CPNE1: variants seen among roughly 807,000 people sequenced by gnomAD.
The protein encoded by CPNE1 is copine-1.
CPNE1 carries 58 observed loss-of-function variants against 63.2 expected under a neutral mutation model. The ratio of observed to expected loss-of-function variants is 0.92; its 90% CI spans 0.74 to 1.14. The LOEUF (loss-of-function observed/expected upper bound fraction) is 1.14. CPNE1 is among the 50% of genes most tolerant of loss of function. The pLI is 0.00. For synonymous variants in CPNE1, 237 were observed against 249.0 expected (o/e 0.95, Z 0.45); for missense variants, 672 against 661.7 (o/e 1.02, Z -0.17).
At chr20:35,656,532 T>G (rs1008493921) in intron 1 of CPNE1, among the ~76,000 whole-genome samples, 2 of 152,096 alleles carry the variant, frequency 1.3e-5, no homozygotes, top group Non-Finnish European at 2.9e-5. Flanking sequence ...AAAGTCAACT[T>G]TTATTTATTT....
chr20:35,645,170 T>C (rs2033036255), intron 1 of CPNE1, among the ~76,000 whole-genome samples: 1 of 152,122 alleles, frequency 6.6e-6, no homozygotes, highest in Non-Finnish European at 1.5e-5. Flanking sequence ...GATGAGTAAA[T>C]GAACAAAAGC....
intron 1 of CPNE1, among the ~76,000 whole-genome samples, chr20:35,659,476 T>A (rs1290877654): frequency 6.6e-6 from 1 of 152,206 alleles, no homozygotes; most frequent in Non-Finnish European, 1.5e-5. Context: ...TCATGGAAAT[T>A]ACTGCAATTA....
intron 1 of CPNE1, among the ~76,000 whole-genome samples, chr20:35,662,324 C>T (rs577512357): frequency 6.6e-6 from 1 of 152,306 alleles, no homozygotes; most frequent in Admixed American, 6.5e-5. Context: ...ACCACATTCA[C>T]TCTGTTTTTG....
chr20:35,635,361 A>G (rs896285815), intron 1 of CPNE1, among the ~76,000 whole-genome samples: 9 of 152,048 alleles, frequency 5.9e-5, no homozygotes, highest in African/African-American at 2.2e-4. Flanking sequence ...TTATTGCTCT[A>G]TCCCAAGCAC....
At chr20:35,663,328 C>G (rs1453472476) in intron 1 of CPNE1, among the ~76,000 whole-genome samples, 2 of 152,216 alleles carry the variant, frequency 1.3e-5, no homozygotes, top group Non-Finnish European at 2.9e-5. Flanking sequence ...CTCTGAGATG[C>G]ATTAACAATA....
At chr20:35,664,649 G>C (rs547113795) in intron 1 of CPNE1, 111 bp downstream of exon 1, 9 of 152,592 alleles carry the variant, frequency 5.9e-5, no homozygotes, top group African/African-American at 1.7e-4. Context: ...CCTTTGTGTG[G>C]GGCGCTAGTT....
rs998861521 is a variant in CPNE1 at position 35,640,322 on chromosome 20, A to G, written c.1-7399T>C. Reference sequence around the variant, plus strand: ...CTCTTCTGTCCTACATCTCTTGAACAACTACCTACTTTAAACCAGACTCAT... The same window carrying G: ...CTCTTCTGTCCTACATCTCTTGAACGACTACCTACTTTAAACCAGACTCAT... On this transcript the variant is annotated intron_variant, in intron 1 of 15. Coordinates refer to ENST00000397443, the MANE Select transcript of CPNE1 (RefSeq NM_152925.3). 3.3e-5 allele frequency among the ~76,000 whole-genome samples: 5 copies of G among 152,158 alleles called. No homozygotes were observed. In the South Asian group the frequency reaches 8.3e-4, roughly 25 times the overall value.
At chr20:35,639,789 CAA>C (rs574518166) in intron 1 of CPNE1, among the ~76,000 whole-genome samples, 1 of 152,232 alleles carries the variant, frequency 6.6e-6, no homozygotes, top group Non-Finnish European at 1.5e-5. Context: ...CAAATGTCCC[CAA>C]AAGAGATGCC....
At chr20:35,627,988 TA>T (rs36077529) in intron 13 of CPNE1, among the ~76,000 whole-genome samples, 37,360 of 151,230 alleles carry the variant, frequency 0.25, 5,245 homozygotes, top group African/African-American at 0.39. Flanking sequence ...ACTTAAAAAA[TA>T]AAAAAACTAA....
chr20:35,657,983 A>G (rs2034001528), intron 1 of CPNE1, among the ~76,000 whole-genome samples: 1 of 152,032 alleles, frequency 6.6e-6, no homozygotes, highest in Non-Finnish European at 1.5e-5. Flanking sequence ...AATCACTTGA[A>G]CCCGGGAGGC....
In CPNE1 at chr20:35,626,328, C is replaced by T; in HGVS notation, c.1527G>A (p.Leu509=). ...AACCCTGGGCCCTGAAGTATGAGAC[C>T]AGTTGTGTGGGCACTTCTGCGAGCA... The part of the protein sequence containing the change: ...QTVLAEVPTQ[L]VSYFRAQGWA... The change falls in exon 16 of 16, where the codon CTG becomes CTA. Residue 509 remains leucine, a synonymous_variant. Transcript: ENST00000397443. The T allele has an allele frequency of 6.2e-7, 1 of 1,614,072 alleles. No homozygotes were observed. The highest frequency in any genetic ancestry group is 8.5e-7 in the Non-Finnish European group (1 of 1,180,002).
At chr20:35,649,619 A>C (rs2033360826) in intron 1 of CPNE1, 1 of 152,668 alleles carries the variant, frequency 6.6e-6, no homozygotes, top group South Asian at 2.1e-4. Flanking sequence ...ACTACTGTGT[A>C]AACACAGAAC....
chr20:35,655,153 A>G, intron 1 of CPNE1: 1 of 1,614,208 alleles, frequency 6.2e-7, no homozygotes, highest in East Asian at 2.2e-5. Flanking sequence ...TGTGCGCATC[A>G]TACCAAGCCT....
intron 1 of CPNE1, chr20:35,651,383 CTT>C (rs1370928453): frequency 6.6e-6 from 1 of 152,180 alleles, no homozygotes; most frequent in Admixed American, 6.6e-5. Context: ...TGTATGAAGA[CTT>C]TTAGTAAACA....
At chr20:35,637,422 C>T (rs2066713556) in intron 1 of CPNE1, among the ~76,000 whole-genome samples, 1 of 152,124 alleles carries the variant, frequency 6.6e-6, no homozygotes, top group Admixed American at 6.6e-5. Context: ...AAGCTCTTCC[C>T]AGTTTGCCAT....
chr20:35,636,962 T>C (rs774428242), intron 1 of CPNE1, among the ~76,000 whole-genome samples: 9 of 152,296 alleles, frequency 5.9e-5, no homozygotes, highest in South Asian at 2.1e-4. Context: ...GATAAGAATT[T>C]TGTGAACTCC....
intron 1 of CPNE1, chr20:35,658,978 C>T (rs2146370051): frequency 1.4e-6 from 1 of 717,182 alleles, no homozygotes; most frequent in East Asian, 2.7e-5. Context: ...GAGGCCAAGT[C>T]AATCCTGTGG....
chr20:35,648,642 TAA>T (rs2033295375), intron 1 of CPNE1, among the ~76,000 whole-genome samples: 2 of 152,244 alleles, frequency 1.3e-5, no homozygotes, highest in Non-Finnish European at 2.9e-5. Context: ...TCTTTCAAGA[TAA>T]AAAGTTTTCA....
chr20:35,654,121 G>A, intron 1 of CPNE1: 1 of 1,614,222 alleles, frequency 6.2e-7, no homozygotes, highest in Admixed American at 1.7e-5. Flanking sequence ...AGGGGGATGA[G>A]TTTGTCCAGA....
Sources: gnomAD v4.1 joint callset for allele counts (sites outside exome capture counted in the v4.1 genomes callset) on GRCh38, gnomAD v4.1.1 for gene constraint, MANE v1.5 for transcripts, NCBI Gene and HGNC (gene_info 2026-07-23, HGNC 2026-07-21) for gene names.